SPAG16: variants seen among roughly 807,000 people sequenced by gnomAD.
The protein encoded by SPAG16 is sperm-associated antigen 16 protein.
In SPAG16, 86 loss-of-function variants were observed where a neutral mutation model predicts 80.4. The observed-to-expected ratio is 1.07, with a 90% confidence interval of 0.90 to 1.28. SPAG16 has a LOEUF of 1.28. Among genes scored for constraint, SPAG16 ranks in the 50% most tolerant of loss-of-function variants. The pLI, the probability that SPAG16 is intolerant of heterozygous loss-of-function variation, is 0.00. For missense variants in SPAG16, 870 were observed against 765.3 expected (o/e 1.14, Z -1.61); for synonymous variants, 294 against 265.9 (o/e 1.11, Z -1.03).
chr2:214,157,218 C>T (rs952547955), intron 15 of SPAG16, among the ~76,000 whole-genome samples: 4 of 152,042 alleles, frequency 2.6e-5, no homozygotes, highest in East Asian at 3.9e-4. Flanking sequence ...TTTCAATCAC[C>T]GCAGCACATG....
intron 15 of SPAG16, among the ~76,000 whole-genome samples, chr2:214,340,427 A>G (rs73087070): frequency 0.083 from 12,646 of 152,230 alleles, 1,373 homozygotes; most frequent in African/African-American, 0.26. Context: ...ATTTTAAATG[A>G]ATCTGAATAT....
At chr2:213,582,433 T>G (rs1353524890) in intron 10 of SPAG16, among the ~76,000 whole-genome samples, 1 of 152,168 alleles carries the variant, frequency 6.6e-6, no homozygotes, top group African/African-American at 2.4e-5. Flanking sequence ...TAGACAGCTT[T>G]AGCCATGAAA....
At chr2:214,243,941 C>A (rs375171312) in intron 15 of SPAG16, among the ~76,000 whole-genome samples, 1 of 151,946 alleles carries the variant, frequency 6.6e-6, no homozygotes, top group Non-Finnish European at 1.5e-5. Context: ...GACACATATA[C>A]GACAGAAAGA....
intron 3 of SPAG16, among the ~76,000 whole-genome samples, chr2:213,308,220 A>T (rs2063033434): frequency 6.6e-6 from 1 of 152,176 alleles, no homozygotes; most frequent in African/African-American, 2.4e-5. Context: ...TGGTATTTTT[A>T]AAAAACTACC....
rs1694116513 is a variant in SPAG16 at position 214,296,148 on chromosome 2, G to A, written c.1721-113992G>A. Among the ~76,000 whole-genome samples the A allele has an allele frequency of 3.9e-5, 6 of 152,110 alleles. No homozygotes were observed. In the South Asian group the frequency reaches 1.2e-3, roughly 32 times the overall value. On this transcript the variant is annotated intron_variant, in intron 15 of 15. Coordinates refer to ENST00000331683, the MANE Select transcript of SPAG16 (RefSeq NM_024532.5). ...CTCCCCTTTAAAAGTTAGAATAAGT[G>A]ATTTATGATTTTTATGTTTCTGAGT...
chr2:213,836,576 A>T (rs559824103), intron 10 of SPAG16, among the ~76,000 whole-genome samples: 2 of 152,020 alleles, frequency 1.3e-5, no homozygotes, highest in East Asian at 3.9e-4. Flanking sequence ...TGATTTTTTT[A>T]ATGAGACCTT....
intron 15 of SPAG16, among the ~76,000 whole-genome samples, chr2:214,189,858 A>G (rs1304210996): frequency 6.6e-6 from 1 of 152,068 alleles, no homozygotes; most frequent in African/African-American, 2.4e-5. Flanking sequence ...TATAGATTAT[A>G]TTTTGCATCA....
At chr2:213,575,925 T>C (rs983121975) in intron 10 of SPAG16, among the ~76,000 whole-genome samples, 1 of 152,188 alleles carries the variant, frequency 6.6e-6, no homozygotes, top group Non-Finnish European at 1.5e-5. Context: ...GATTCCTATG[T>C]TTTTCATACT....
intron 11 of SPAG16, among the ~76,000 whole-genome samples, chr2:213,906,109 T>C (rs2077421225): frequency 6.6e-6 from 1 of 152,246 alleles, no homozygotes; most frequent in East Asian, 1.9e-4. Context: ...CAGAGACCTT[T>C]ATTTTTAACC....
intron 10 of SPAG16, among the ~76,000 whole-genome samples, chr2:213,705,262 A>AAGAG (rs72209225): frequency 3.4e-5 from 5 of 145,900 alleles, no homozygotes; most frequent in Admixed American, 6.7e-5. Context: ...ATAAGAAAGA[A>AAGAG]AGAGAGAGAG....
At chr2:213,446,046 C>T (rs1575606317) in intron 9 of SPAG16, among the ~76,000 whole-genome samples, 2 of 152,182 alleles carry the variant, frequency 1.3e-5, no homozygotes, top group Admixed American at 1.3e-4. Context: ...CAACTTACAA[C>T]ATAGTCAAAC....
intron 15 of SPAG16, among the ~76,000 whole-genome samples, chr2:214,157,262 A>AAG (rs751477579): frequency 1.3e-5 from 2 of 152,108 alleles, no homozygotes; most frequent in Non-Finnish European, 2.9e-5. Flanking sequence ...TTAAAGTTTT[A>AAG]AGAGATTTAA....
chr2:213,291,963 CT>C (rs1445222831), intron 1 of SPAG16, among the ~76,000 whole-genome samples: 4 of 152,104 alleles, frequency 2.6e-5, no homozygotes, highest in African/African-American at 9.7e-5. Flanking sequence ...CTCTCTTAAT[CT>C]TTTTTGATTG....
At chr2:213,952,183 A>T (rs1181107597) in intron 12 of SPAG16, among the ~76,000 whole-genome samples, 2 of 152,124 alleles carry the variant, frequency 1.3e-5, no homozygotes, top group Non-Finnish European at 2.9e-5. Flanking sequence ...ACAAAAATGC[A>T]TCGAAAACAA....
intron 10 of SPAG16, among the ~76,000 whole-genome samples, chr2:213,714,439 G>C (rs2066142906): frequency 6.6e-6 from 1 of 152,130 alleles, no homozygotes; most frequent in Non-Finnish European, 1.5e-5. Flanking sequence ...CCCTAGAGGG[G>C]AGACAGAAAT....
At chr2:213,575,884 A>G (rs1025736136) in intron 10 of SPAG16, among the ~76,000 whole-genome samples, 4 of 152,160 alleles carry the variant, frequency 2.6e-5, no homozygotes, top group Non-Finnish European at 4.4e-5. Flanking sequence ...GATAATAAGT[A>G]TATGCCACAA....
Position 214,051,018 on chromosome 2 carries a change from G to A in SPAG16, c.1527+36941G>A, listed in dbSNP as rs142668274. 2.1e-3 allele frequency among the ~76,000 whole-genome samples: 319 copies of A among 152,266 alleles called. 1 individual carries two copies. The highest frequency in any genetic ancestry group is 3.5e-3 in the Non-Finnish European group (236 of 68,022). ...GGGTTGCTTGTTTCCCTGAAGACTA[G>A]TTATGACTGTCTTTTTTGAACCATG... is the stretch of plus-strand genomic sequence containing the variant. On this transcript the variant is annotated intron_variant, in intron 13 of 15. Transcript: ENST00000331683.
intron 15 of SPAG16, among the ~76,000 whole-genome samples, chr2:214,251,601 T>C (rs540248175): frequency 2.0e-5 from 3 of 152,170 alleles, no homozygotes; most frequent in Non-Finnish European, 4.4e-5. Flanking sequence ...ATTCATTTCA[T>C]GTTTTGTGAG....
intron 10 of SPAG16, among the ~76,000 whole-genome samples, chr2:213,763,638 A>T (rs540087297): frequency 6.7e-6 from 1 of 149,252 alleles, no homozygotes; most frequent in South Asian, 2.1e-4. Flanking sequence ...TGTGCTTAAA[A>T]ATTTTAAAGG....
Sources: allele counts gnomAD v4.1 joint callset (sites outside exome capture counted in the v4.1 genomes callset), GRCh38; gene constraint gnomAD v4.1.1; transcripts MANE v1.5; gene names NCBI Gene and HGNC (gene_info 2026-07-23, HGNC 2026-07-21).